The following DLG2 variants were observed in gnomAD, a reference collection of about 807,000 sequenced individuals.
The protein encoded by DLG2 is discs large MAGUK scaffold protein 2.
A neutral mutation model predicts 132.5 loss-of-function variants in DLG2; 45 were observed. That is an observed-to-expected ratio of 0.34 (90% confidence interval 0.27 to 0.44). The LOEUF (loss-of-function observed/expected upper bound fraction) is 0.44, where lower values mean the gene tolerates loss of function less well. Among genes scored for constraint, DLG2 ranks in the 20% least tolerant of loss-of-function variants. The pLI is 1.00. For missense variants in DLG2, 1,045 were observed against 1,196.9 expected (o/e 0.87, Z 1.87); for synonymous variants, 424 against 419.6 (o/e 1.01, Z -0.13).
intron 6 of DLG2, among the ~76,000 whole-genome samples, chr11:84,924,801 G>C (rs1165159970): frequency 6.6e-6 from 1 of 152,064 alleles, no homozygotes; most frequent in Non-Finnish European, 1.5e-5. Flanking sequence ...TAGGAGCCTA[G>C]GTAATTTACA....
intron 3 of DLG2, among the ~76,000 whole-genome samples, chr11:85,466,969 A>G (rs1048451609): frequency 2.6e-5 from 4 of 151,994 alleles, no homozygotes; most frequent in Non-Finnish European, 5.9e-5. Context: ...ATTTGTTTGT[A>G]TCCTCTTTTA....
intron 6 of DLG2, among the ~76,000 whole-genome samples, chr11:84,963,751 G>C (rs568383614): frequency 6.6e-6 from 1 of 152,080 alleles, no homozygotes; most frequent in Non-Finnish European, 1.5e-5. Flanking sequence ...TGTCATGCTC[G>C]TGATTATCAT....
chr11:84,252,023 T>C (rs1216995724), intron 7 of DLG2, among the ~76,000 whole-genome samples: 1 of 152,018 alleles, frequency 6.6e-6, no homozygotes, highest in African/African-American at 2.4e-5. Flanking sequence ...CCAATATTCA[T>C]AGTTATTCTC....
At chr11:84,752,939 G>A (rs942060801) in intron 6 of DLG2, among the ~76,000 whole-genome samples, 8 of 151,810 alleles carry the variant, frequency 5.3e-5, no homozygotes, top group African/African-American at 1.9e-4. Context: ...TGGTGTATAT[G>A]TGCCACATTT....
chr11:84,715,127 T>C (rs540530245), intron 6 of DLG2, among the ~76,000 whole-genome samples: 17 of 152,208 alleles, frequency 1.1e-4, no homozygotes, highest in South Asian at 8.3e-4. Flanking sequence ...CTTTCCCCTA[T>C]CTTAATATAT....
intron 8 of DLG2, among the ~76,000 whole-genome samples, chr11:84,210,466 G>C (rs2096738432): frequency 6.7e-6 from 1 of 149,624 alleles, no homozygotes; most frequent in Non-Finnish European, 1.5e-5. Flanking sequence ...CAGCGCACCA[G>C]CATGGCACAT....
At chr11:85,380,624 C>T (rs1236728616) in intron 3 of DLG2, among the ~76,000 whole-genome samples, 1 of 152,166 alleles carries the variant, frequency 6.6e-6, no homozygotes, top group Non-Finnish European at 1.5e-5. Context: ...TGCACCATTG[C>T]TCTGCAGCCT....
intron 8 of DLG2, among the ~76,000 whole-genome samples, chr11:84,245,681 CA>C (rs1371176379): frequency 1.3e-5 from 2 of 152,152 alleles, no homozygotes; most frequent in African/African-American, 2.4e-5. Context: ...TGCCCTTAGA[CA>C]ACATACAATA....
intron 11 of DLG2, among the ~76,000 whole-genome samples, chr11:84,035,233 A>T (rs2095829986): frequency 6.6e-6 from 1 of 151,982 alleles, no homozygotes; most frequent in Non-Finnish European, 1.5e-5. Context: ...TATTTTTCTC[A>T]TGTATCCAAC....
chr11:84,609,669 A>T (rs1341794497), intron 6 of DLG2, among the ~76,000 whole-genome samples: 1 of 152,142 alleles, frequency 6.6e-6, no homozygotes, highest in African/African-American at 2.4e-5. Flanking sequence ...ACCTTTGATT[A>T]CTGATAATTT....
intron 7 of DLG2, among the ~76,000 whole-genome samples, chr11:84,321,562 A>C (rs1363408242): frequency 6.6e-6 from 1 of 152,058 alleles, no homozygotes; most frequent in Admixed American, 6.6e-5. Context: ...GGCCTTGAAT[A>C]CTTGAGCTCA....
chr11:85,328,769 G>T (rs1312326021), intron 3 of DLG2, among the ~76,000 whole-genome samples: 1 of 148,550 alleles, frequency 6.7e-6, no homozygotes, highest in East Asian at 2.0e-4. Flanking sequence ...TGGAAGTTCT[G>T]GCCAGGGCAA....
intron 7 of DLG2, among the ~76,000 whole-genome samples, chr11:84,512,462 T>C (rs2099259668): frequency 1.3e-5 from 2 of 152,198 alleles, no homozygotes; most frequent in Non-Finnish European, 2.9e-5. Context: ...ATCTTACTTA[T>C]TTGTATTTAT....
chr11:84,500,010 T>C (rs1033751852), intron 7 of DLG2, among the ~76,000 whole-genome samples: 1 of 152,116 alleles, frequency 6.6e-6, no homozygotes, highest in African/African-American at 2.4e-5. Context: ...AATTGTATTA[T>C]TTTTCTGGAG....
intron 17 of DLG2, among the ~76,000 whole-genome samples, chr11:83,824,896 G>A (rs1311756249): frequency 6.6e-6 from 1 of 151,898 alleles, no homozygotes; most frequent in African/African-American, 2.4e-5. Flanking sequence ...TATTTTCACT[G>A]CACCTTGCTA....
At chr11:84,822,551 C>G in intron 6 of DLG2, among the ~76,000 whole-genome samples, 1 of 151,864 alleles carries the variant, frequency 6.6e-6, no homozygotes, top group East Asian at 1.9e-4. Context: ...ATCTAGACTT[C>G]ATTTCAGAAG....
intron 18 of DLG2, among the ~76,000 whole-genome samples, chr11:83,652,192 G>A (rs368913606): frequency 6.6e-5 from 10 of 152,282 alleles, no homozygotes; most frequent in African/African-American, 2.4e-4. Flanking sequence ...GAGCCACAAA[G>A]CAGCGACTGT....
At chr11:84,373,444 C>T (rs2098717132) in intron 7 of DLG2, among the ~76,000 whole-genome samples, 1 of 151,764 alleles carries the variant, frequency 6.6e-6, no homozygotes, top group Non-Finnish European at 1.5e-5. Flanking sequence ...ATGGCACGTG[C>T]CTGGAATCCC....
chr11:85,077,893 G>A (rs1185606171), intron 6 of DLG2, among the ~76,000 whole-genome samples: 2 of 151,996 alleles, frequency 1.3e-5, no homozygotes, highest in African/African-American at 4.8e-5. Context: ...ACAGGGTTGT[G>A]CTGTCTATAA....
Sources: allele counts gnomAD v4.1 joint callset (sites outside exome capture counted in the v4.1 genomes callset), GRCh38; gene constraint gnomAD v4.1.1; transcripts MANE v1.5; gene names NCBI Gene and HGNC (gene_info 2026-07-23, HGNC 2026-07-21).